Variants in NSD2 observed in about 807,000 individuals in gnomAD.
NSD2 encodes histone-lysine N-methyltransferase NSD2.
A neutral mutation model predicts 139.0 loss-of-function variants in NSD2; 12 were observed. The ratio of observed to expected loss-of-function variants is 0.09; its 90% CI spans 0.06 to 0.14. The LOEUF is 0.14. NSD2 is among the 10% of genes least tolerant of loss of function. The probability of loss-of-function intolerance (pLI) is 1.00; values close to 1 mark genes in which losing one functional copy is unlikely to be tolerated. For synonymous variants in NSD2, 669 were observed against 648.7 expected (o/e 1.03, Z -0.48); for missense variants, 1,155 against 1,745.0 (o/e 0.66, Z 6.02).
chr4:1,915,772 C>G (rs1377936326), intron 3 of NSD2, among the ~76,000 whole-genome samples: 1 of 152,112 alleles, frequency 6.6e-6, no homozygotes, highest in East Asian at 1.9e-4. Flanking sequence ...AGAGGTTTTT[C>G]CTCTGGAGCA....
chr4:1,894,778 AT>A (rs1716027470), intron 1 of NSD2, among the ~76,000 whole-genome samples: 3 of 151,946 alleles, frequency 2.0e-5, no homozygotes, highest in Non-Finnish European at 4.4e-5. Flanking sequence ...AAGGTAGAGG[AT>A]TTTTGGGGGT....
rs961935583 is a variant in NSD2 at position 1,951,066 on chromosome 4, C to T, written c.1882-6C>T. 1 of 1,614,006 alleles carries T rather than the reference C, an allele frequency of 6.2e-7. No individual in the cohort carries two copies. Among genetic ancestry groups the T allele is most frequent in the Admixed American group, 1.7e-5 (1 of 60,026 alleles). ...GTGAACTGTCATCCGCCTCCTTCAT[C>T]TCTAGGTCTCGGACAGCCCGGGAGA... On this transcript the variant is annotated splice_region_variant and splice_polypyrimidine_tract_variant and intron_variant, in intron 9 of 21. Coordinates refer to ENST00000508803, the MANE Select transcript of NSD2 (RefSeq NM_001042424.3).
At chr4:1,965,248 C>T (rs536692761) in intron 18 of NSD2, among the ~76,000 whole-genome samples, 31 of 152,018 alleles carry the variant, frequency 2.0e-4, no homozygotes, top group Non-Finnish European at 2.1e-4. Flanking sequence ...GAAAATCATG[C>T]ATGAACAAAA....
chr4:1,955,439 G>A lies in NSD2; in HGVS notation c.2518+99G>A. The A allele has an allele frequency of 7.0e-7, 1 of 1,425,956 alleles. No homozygotes were observed. Among genetic ancestry groups the A allele is most frequent in the Non-Finnish European group, 9.3e-7 (1 of 1,072,428 alleles). 88.3% of individuals were successfully genotyped at this position (1,425,956 alleles called of 1,614,324 possible). A position where few individuals can be genotyped will look rare whatever the true frequency, so the allele number is the denominator to read the frequency against. ...CCTTGTCTGCGCTGTGTTCATTGAT[G>A]TTGACAGTGTTCTGTGCGTCTTCAC... On this transcript the variant is annotated intron_variant, in intron 13 of 21. Transcript: ENST00000508803. This position sits in a 1 kb window ranked among gnomAD's most constrained non-coding sequence, Gnocchi z 4.7.
At chr4:1,952,043 C>A in intron 10 of NSD2, 65 bp from the exon 11 acceptor site, 1 of 1,565,070 alleles carries the variant, frequency 6.4e-7, no homozygotes, top group Non-Finnish European at 8.7e-7. Context: ...AGACGGCTTC[C>A]CTTGTGGTAA....
intron 1 of NSD2, among the ~76,000 whole-genome samples, chr4:1,883,658 C>T (rs1017712005): frequency 1.3e-5 from 2 of 151,754 alleles, no homozygotes; most frequent in Admixed American, 1.3e-4. Flanking sequence ...AAGCGTACCT[C>T]CTCCGCTCTG....
At chr4:1,952,904 C>T (rs1183214275) in intron 11 of NSD2, 4 of 1,395,176 alleles carry the variant, frequency 2.9e-6, no homozygotes, top group East Asian at 2.6e-5. Context: ...GTCTCCCAGG[C>T]CATGGCAGCC....
At chr4:1,931,649 T>G (rs1721648509) in intron 6 of NSD2, among the ~76,000 whole-genome samples, 1 of 152,208 alleles carries the variant, frequency 6.6e-6, no homozygotes, top group Admixed American at 6.5e-5. Flanking sequence ...TCTGGCCACA[T>G]GTGCCTGCTG....
At position 1,944,999 on chromosome 4, in the gene NSD2, C is replaced by T. The variant is rs142228365; in HGVS notation, c.1881+5221C>T. ...GGTTTCATGACACAACCTTTCATGT[C>T]GTGAAAGGCAGAGGGTGACTGTGTG... On this transcript the variant is annotated intron_variant, in intron 9 of 21. Transcript: ENST00000508803. 169 of 1,064,870 alleles carry T rather than the reference C, an allele frequency of 1.6e-4. 1 individual carries two copies. The East Asian group carries it at 7.3e-3, about 46-fold the overall frequency. 66.0% of individuals were successfully genotyped at this position (1,064,870 alleles called of 1,614,324 possible). A position where few individuals can be genotyped will look rare whatever the true frequency, so the allele number is the denominator to read the frequency against.
At chr4:1,952,534 A>C (rs1176918768) in intron 11 of NSD2, among the ~76,000 whole-genome samples, 1 of 152,106 alleles carries the variant, frequency 6.6e-6, no homozygotes, top group Admixed American at 6.5e-5. Flanking sequence ...AGCCTGTGCT[A>C]TGTGTGAGGC....
At chr4:1,934,908 T>TATATAA (rs1223710483) in intron 6 of NSD2, among the ~76,000 whole-genome samples, 92 of 79,008 alleles carry the variant, frequency 1.2e-3, no homozygotes, top group Non-Finnish European at 1.9e-3. Context: ...TATATATATA[T>TATATAA]AAAAAACAGA....
In NSD2 at chr4:1,957,913, C is replaced by G. The variant is rs1003391914; in HGVS notation, c.2882-20C>G. 5.0e-6 allele frequency: 8 copies of G among 1,610,508 alleles called. No homozygotes were observed. Among genetic ancestry groups the G allele is most frequent in the South Asian group, 1.1e-5 (1 of 90,846 alleles). Reference sequence around the variant, plus strand: ...CCTGTATTTACTAAAATCTTTACTCCTATTTCATTGACTTTTTAGCACTGC... The same window carrying G: ...CCTGTATTTACTAAAATCTTTACTCGTATTTCATTGACTTTTTAGCACTGC... On this transcript the variant is annotated intron_variant, in intron 15 of 21. Transcript: ENST00000508803.
At chr4:1,924,671 G>A (rs1720615989) in intron 5 of NSD2, among the ~76,000 whole-genome samples, 1 of 151,948 alleles carries the variant, frequency 6.6e-6, no homozygotes, top group Non-Finnish European at 1.5e-5. Context: ...AGCACCTTGG[G>A]AGGCCGAGGA....
Position 1,900,944 on chromosome 4 carries a change from A to T in NSD2, c.290A>T (p.Lys97Ile). 6.2e-7 allele frequency: 1 copy of T among 1,614,208 alleles called. No individual in the cohort carries two copies. The highest frequency in any genetic ancestry group is 1.1e-5 in the South Asian group (1 of 91,088). ...FNGEPGAHDA[K>I]LRFESQEMKG... ...GGAGAACCCGGCGCACACGATGCCA[A>T]ACTGCGTTTTGAGTCCCAGGAAATG... Residue 97 changes from lysine to isoleucine, a missense_variant, in exon 2 of 22, where the codon AAA (lysine) becomes ATA (isoleucine). Physicochemically the swap from Lys to Ile is moderately radical, Grantham distance 102. This residue lies in a region of NSD2 where 246 missense variants were observed against 262.8 expected (regional missense o/e 0.94). Transcript: ENST00000508803.
At chr4:1,889,954 G>T (rs1364332816) in intron 1 of NSD2, among the ~76,000 whole-genome samples, 4 of 152,126 alleles carry the variant, frequency 2.6e-5, no homozygotes, top group Admixed American at 2.6e-4. Context: ...CATCAGCTCA[G>T]TAAAAAACTC....
At position 1,920,847 on chromosome 4, in the gene NSD2, A is replaced by G. The variant is rs532431579; in HGVS notation, c.1410+2224A>G. 3.3e-3 allele frequency among the ~76,000 whole-genome samples: 507 copies of G among 152,092 alleles called. 1 individual carries two copies. The highest frequency in any genetic ancestry group is 0.012 in the African/African-American group (491 of 41,520). On this transcript the variant is annotated intron_variant, in intron 5 of 21. Coordinates refer to ENST00000508803, the MANE Select transcript of NSD2 (RefSeq NM_001042424.3). The stretch of plus-strand genomic sequence containing the variant: ...CCATGAGTTTGAGACCAGCCTGGGC[A>G]ACATGAAACCCTGTCTCTAAAAAAA...
intron 3 of NSD2, among the ~76,000 whole-genome samples, chr4:1,915,343 T>C (rs1719242853): frequency 6.6e-6 from 1 of 152,062 alleles, no homozygotes; most frequent in Non-Finnish European, 1.5e-5. Context: ...CTCGATTTCC[T>C]GACCTCGTGG....
intron 18 of NSD2, among the ~76,000 whole-genome samples, chr4:1,970,902 C>T (rs570450428): frequency 5.1e-4 from 78 of 152,322 alleles, no homozygotes; most frequent in African/African-American, 1.8e-3. Flanking sequence ...AGGCTGAAAG[C>T]CCATAGAAAC....
chr4:1,891,935 C>G (rs1715602919), intron 1 of NSD2, among the ~76,000 whole-genome samples: 2 of 151,614 alleles, frequency 1.3e-5, no homozygotes, highest in African/African-American at 4.8e-5. Flanking sequence ...CTAGGGCTTA[C>G]CCAGCCCCAG....
Sources: allele counts gnomAD v4.1 joint callset (sites outside exome capture counted in the v4.1 genomes callset), GRCh38; gene constraint gnomAD v4.1.1; regional missense constraint gnomAD v4.1.1; non-coding constraint Gnocchi (gnomAD v3.1); transcripts MANE v1.5; gene names NCBI Gene and HGNC (gene_info 2026-07-23, HGNC 2026-07-21).